SZT2: variants seen among roughly 807,000 people sequenced by gnomAD.
The protein encoded by SZT2 is KICSTOR complex protein SZT2.
SZT2 carries 216 observed loss-of-function variants against 404.2 expected under a neutral mutation model. The ratio of observed to expected loss-of-function variants is 0.53; its 90% CI spans 0.48 to 0.60. The LOEUF (loss-of-function observed/expected upper bound fraction) is 0.60. Ranked by LOEUF, SZT2 falls within the 20% of genes least tolerant of loss-of-function variation. The probability of loss-of-function intolerance (pLI) is 0.00; values close to 1 mark genes in which losing one functional copy is unlikely to be tolerated. For missense variants in SZT2, 3,857 were observed against 4,459.2 expected (o/e 0.86, Z 3.85); for synonymous variants, 1,693 against 1,749.9 (o/e 0.97, Z 0.81).
chr1:43,438,632 A>T lies in SZT2; in HGVS notation c.6509-67A>T. On this transcript the variant is annotated intron_variant, in intron 46 of 71. Coordinates refer to ENST00000634258, the MANE Select transcript of SZT2 (RefSeq NM_001365999.1). ...GGGGATTCTTTGAGTTTGGCATGAT[A>T]GGGCTGCTATGGAGGTAGCTGGATC... The T allele has an allele frequency of 4.1e-6, 6 of 1,460,134 alleles. No homozygotes were observed. In the South Asian group the frequency reaches 7.1e-5, roughly 17 times the overall value. 90.4% of individuals were successfully genotyped at this position (1,460,134 alleles called of 1,614,324 possible). A position where few individuals can be genotyped will look rare whatever the true frequency, so the allele number is the denominator to read the frequency against.
At chr1:43,403,092 G>A in intron 1 of SZT2, 85 bp from the exon 2 acceptor site, 6 of 1,475,856 alleles carry the variant, frequency 4.1e-6, no homozygotes, top group Non-Finnish European at 4.7e-6. Context: ...TGAGTTCCTT[G>A]GGCAAATTAT....
chr1:43,403,929 G>C, intron 3 of SZT2, 155 bp downstream of exon 3: 2 of 832,836 alleles, frequency 2.4e-6, no homozygotes, highest in Admixed American at 2.6e-5. Flanking sequence ...AGAGCACTGG[G>C]CCAGCTGTGG....
intron 4 of SZT2, chr1:43,405,726 T>A (rs534399966): frequency 2.8e-4 from 42 of 152,356 alleles, no homozygotes; most frequent in African/African-American, 9.9e-4. Context: ...CCGTTAGGAC[T>A]ATCAGTTGTG....
rs1652499182 is a variant in SZT2 at position 43,422,561 on chromosome 1, G to A, written c.1851G>A (p.Leu617=). 3 of 1,598,022 alleles carry A rather than the reference G, an allele frequency of 1.9e-6. No homozygotes were observed. Among genetic ancestry groups the A allele is most frequent in the African/African-American group, 1.3e-5 (1 of 74,842 alleles). Residue 617 remains leucine, a synonymous_variant, in exon 13 of 72, where the codon CTG becomes CTA. Transcript: ENST00000634258. ...AGTGCAGGATCTCCCACTCCTCCCT[G>A]ACCTCTCTGCTGCGGGACTGGAGCA... The part of the protein sequence containing the change: ...TIQCRISHSS[L]TSLLRDWSSF...
At position 43,426,897 on chromosome 1, in the gene SZT2, G is replaced by A; in HGVS notation, c.3309+88G>A. On this transcript the variant is annotated intron_variant, in intron 23 of 71. Transcript: ENST00000634258. The surrounding 1 kb of genome is among the most constrained non-coding windows in gnomAD (Gnocchi z 4.9). ...CAGGCCCCAACCTTCTACCGCCCTT[G>A]AGACTAAATGGCATCTGCCAATGAC... 1.3e-6 allele frequency: 2 copies of A among 1,550,142 alleles called. No homozygotes were observed.
At position 43,431,622 on chromosome 1, in the gene SZT2, C is replaced by T. The variant is rs928232944; in HGVS notation, c.5089-94C>T. The T allele has an allele frequency of 3.1e-6, 5 of 1,594,556 alleles. No homozygotes were observed. The African/African-American group carries it at 6.7e-5, about 21-fold the overall frequency. ...TCTGGGATAGAAGTGAGGCCTCTCTCAGTCTGTGAGGCAAATTATCTTCTA... is the reference window on the plus strand; with the variant it reads ...TCTGGGATAGAAGTGAGGCCTCTCTTAGTCTGTGAGGCAAATTATCTTCTA... On this transcript the variant is annotated intron_variant, in intron 35 of 71. Coordinates refer to ENST00000634258, the MANE Select transcript of SZT2 (RefSeq NM_001365999.1).
chr1:43,452,072 CAGTCACTGGTCA>C lies in SZT2; in HGVS notation c.*1595_*1606del, dbSNP rs1656498527. 1.2e-5 allele frequency: 18 copies of C among 1,555,256 alleles called. No homozygotes were observed. Among genetic ancestry groups the C allele is most frequent in the Non-Finnish European group, 1.4e-5 (16 of 1,136,584 alleles). ...CTTCCCAAGTTTGTCCCCCATCAGTCAGTCACTGGTCAAGGCCCTCACCTGTTCCTCTGACCT... is the reference window on the plus strand; with the variant it reads ...CTTCCCAAGTTTGTCCCCCATCAGTCAGGCCCTCACCTGTTCCTCTGACCT... On this transcript the variant is annotated 3_prime_UTR_variant, in exon 72 of 72. Transcript: ENST00000634258.
chr1:43,440,728 A>G (rs1179980852), intron 52 of SZT2, 142 bp downstream of exon 52: 2 of 1,178,872 alleles, frequency 1.7e-6, no homozygotes, highest in Middle Eastern at 3.0e-4. Flanking sequence ...GCCAGACACC[A>G]TGGCGTGTAC....
Position 43,442,480 on chromosome 1 carries a change from G to A in SZT2, c.8013G>A (p.Gly2671=), listed in dbSNP as rs765145256. 3.7e-6 allele frequency: 6 copies of A among 1,613,914 alleles called. No homozygotes were observed. The African/African-American group carries it at 6.7e-5, about 18-fold the overall frequency. Residue 2671 remains glycine (G), a synonymous_variant, in exon 58 of 72, where the codon GGG becomes GGA. Transcript: ENST00000634258. The surrounding 1 kb of genome is among the most constrained non-coding windows in gnomAD (Gnocchi z 4.5). ...LLTYNWAPDL[G]AALGRALVRL... ...CCTACAACTGGGCTCCAGACCTGGG[G>A]GCAGCATTGGGCCGAGCGCTGGTTC...
rs1248749815 is a variant in SZT2 at position 43,404,503 on chromosome 1, G to A, written c.451G>A (p.Val151Ile). Residue 151 changes from valine to isoleucine, a missense_variant, in exon 4 of 72, where the codon GTA (valine) becomes ATA (isoleucine). This residue lies in a region of SZT2 where 536 missense variants were observed against 637.4 expected (regional missense o/e 0.84). Coordinates refer to ENST00000634258, the MANE Select transcript of SZT2 (RefSeq NM_001365999.1). ...CATCGACTTCCAGCCTGAGATCTATGTAACTATCCAGGCCTACTCCTCCAT... is the reference window on the plus strand; with the variant it reads ...CATCGACTTCCAGCCTGAGATCTATATAACTATCCAGGCCTACTCCTCCAT... ...SCIDFQPEIY[V>I]TIQAYSSIIG... 3.1e-6 allele frequency: 5 copies of A among 1,613,976 alleles called. No individual in the cohort carries two copies. The highest frequency in any genetic ancestry group is 4.2e-6 in the Non-Finnish European group (5 of 1,180,024).
At chr1:43,398,943 G>C (rs906106056) in intron 1 of SZT2, among the ~76,000 whole-genome samples, 2 of 152,096 alleles carry the variant, frequency 1.3e-5, no homozygotes, top group Non-Finnish European at 2.9e-5. Flanking sequence ...AGCCAGGCAT[G>C]GTGGCATGCC....
intron 42 of SZT2, chr1:43,436,577 T>A (rs1386288923): frequency 6.5e-6 from 1 of 153,362 alleles, no homozygotes; most frequent in Non-Finnish European, 1.5e-5. Flanking sequence ...TGTTCACACT[T>A]GACAGCAGCT....
intron 52 of SZT2, 33 bp downstream of exon 52, chr1:43,440,619 C>T (rs1654965328): frequency 6.5e-7 from 1 of 1,531,532 alleles, no homozygotes; most frequent in African/African-American, 1.4e-5. Flanking sequence ...GGGCATCTAC[C>T]TTTCTGCCTG....
intron 5 of SZT2, 89 bp downstream of exon 5, chr1:43,415,302 C>A: frequency 2.0e-6 from 3 of 1,489,930 alleles, no homozygotes; most frequent in South Asian, 1.3e-5. Context: ...CCAAATAGGG[C>A]AAAAAAGGGC....
In SZT2 at chr1:43,430,582, C is replaced by T. The variant is rs1557566847; in HGVS notation, c.4567C>T (p.Pro1523Ser). 1 of 1,614,160 alleles carries T rather than the reference C, an allele frequency of 6.2e-7. No individual in the cohort carries two copies. Among genetic ancestry groups the T allele is most frequent in the Non-Finnish European group, 8.5e-7 (1 of 1,180,038 alleles). ...YRESRESDLGPAGLDSASLSD... is the reference protein window; with the variant it reads ...YRESRESDLGSAGLDSASLSD... ...GGAGAGCCGTGAATCAGACCTGGGG[C>T]CTGCTGGGCTAGACTCTGCCTCGCT... The change falls in exon 32 of 72, where the codon CCT becomes TCT. Residue 1523 changes from proline to serine, a missense_variant. Around this residue, in one of 7 missense-constraint regions of SZT2, gnomAD observed 1,725 missense variants for 1,881.0 expected, o/e 0.92. Transcript: ENST00000634258.
At chr1:43,400,898 G>A (rs1219174053) in intron 1 of SZT2, among the ~76,000 whole-genome samples, 6 of 151,838 alleles carry the variant, frequency 4.0e-5, no homozygotes, top group African/African-American at 1.5e-4. Context: ...ACCTAGTATA[G>A]TGTTGTAATA....
At chr1:43,392,925 G>C (rs953774023) in intron 1 of SZT2, among the ~76,000 whole-genome samples, 2 of 152,216 alleles carry the variant, frequency 1.3e-5, no homozygotes, top group Non-Finnish European at 2.9e-5. Context: ...GTAGGAGTCA[G>C]AATTGTGCTA....
At chr1:43,407,061 A>T (rs1286666064) in intron 4 of SZT2, among the ~76,000 whole-genome samples, 1 of 152,238 alleles carries the variant, frequency 6.6e-6, no homozygotes, top group Admixed American at 6.5e-5. Flanking sequence ...TCTGGATGGG[A>T]GAATAGGCGA....
chr1:43,412,740 A>G (rs1458332854), intron 4 of SZT2: 9 of 152,218 alleles, frequency 5.9e-5, no homozygotes, highest in African/African-American at 2.2e-4. Flanking sequence ...CAAACCACCC[A>G]TCTGACAAGG....
Sources: gnomAD v4.1 joint callset for allele counts (sites outside exome capture counted in the v4.1 genomes callset) on GRCh38, gnomAD v4.1.1 for gene constraint, gnomAD v4.1.1 regional missense constraint, Gnocchi (gnomAD v3.1) non-coding constraint, MANE v1.5 for transcripts, NCBI Gene and HGNC (gene_info 2026-07-23, HGNC 2026-07-21) for gene names.